The following PTPRE variants were observed in gnomAD, a reference collection of about 807,000 sequenced individuals.
The protein encoded by PTPRE is protein tyrosine phosphatase receptor type E.
In PTPRE, 51 loss-of-function variants were observed where a neutral mutation model predicts 102.0. The observed-to-expected ratio is 0.50, with a 90% CI of 0.40 to 0.63. The LOEUF (loss-of-function observed/expected upper bound fraction) is 0.63. PTPRE is among the 30% of genes least tolerant of loss of function. The probability of loss-of-function intolerance (pLI) is 0.00; values close to 1 mark genes in which losing one functional copy is unlikely to be tolerated. For missense variants in PTPRE, 752 were observed against 915.1 expected (o/e 0.82, Z 2.30); for synonymous variants, 345 against 348.2 (o/e 0.99, Z 0.10).
intron 3 of PTPRE, among the ~76,000 whole-genome samples, chr10:128,046,635 G>C (rs1306947041): frequency 6.6e-6 from 1 of 152,156 alleles, no homozygotes; most frequent in Non-Finnish European, 1.5e-5. Flanking sequence ...TGGCCAGCGG[G>C]GGAGGAGCAG....
rs1245440847 is a variant in PTPRE, at chr10:128,084,053, T to C, written c.*1147T>C. The C allele has an allele frequency of 6.6e-6, 1 of 151,670 alleles. No individual in the cohort carries two copies. The highest frequency in any genetic ancestry group is 1.9e-4 in the East Asian group (1 of 5,168). 9.4% of individuals were successfully genotyped at this position (151,670 alleles called of 1,614,324 possible). On this transcript the variant is annotated 3_prime_UTR_variant, in exon 21 of 21. Coordinates refer to ENST00000254667, the MANE Select transcript of PTPRE (RefSeq NM_006504.6). ...AAAGAGAAATCCTTAATCTAAAAGC[T>C]AAATTATTTTTGAATGGAAATACTA...
chr10:128,069,955 G>A (rs953381577), intron 13 of PTPRE, 128 bp downstream of exon 13: 25 of 1,407,442 alleles, frequency 1.8e-5, no homozygotes, highest in Admixed American at 5.6e-5. Flanking sequence ...GCCTGGCTTC[G>A]CTCCCCATAG....
At chr10:127,920,981 A>G (rs1306533150) in intron 1 of PTPRE, among the ~76,000 whole-genome samples, 1 of 152,200 alleles carries the variant, frequency 6.6e-6, no homozygotes, top group Non-Finnish European at 1.5e-5. Context: ...CCAGGCTTGG[A>G]TAACTGGCCC....
intron 1 of PTPRE, among the ~76,000 whole-genome samples, chr10:127,961,095 G>T (rs1197311966): frequency 6.6e-6 from 1 of 151,944 alleles, no homozygotes; most frequent in Non-Finnish European, 1.5e-5. Context: ...TTCAGACGAT[G>T]CCAAGGAACG....
At position 128,084,726 on chromosome 10, in the gene PTPRE, C is replaced by G. The variant is rs1851976189; in HGVS notation, c.*1820C>G. The G allele has an allele frequency of 6.5e-6, 1 of 153,788 alleles. No homozygotes were observed. The highest frequency in any genetic ancestry group is 6.5e-5 in the Admixed American group (1 of 15,398). The allele number at this position is 153,788 out of a possible 1,614,324, so 9.5% of individuals were successfully genotyped here. A position where few individuals can be genotyped will look rare whatever the true frequency, so the allele number is the denominator to read the frequency against. On this transcript the variant is annotated 3_prime_UTR_variant, in exon 21 of 21. Coordinates refer to ENST00000254667, the MANE Select transcript of PTPRE (RefSeq NM_006504.6). The stretch of plus-strand genomic sequence containing the variant: ...TTCCAAACCCAAAGCCTTTGTTTGA[C>G]TGAAGGAGAAGAGAGGGAAGTAAGC...
At chr10:127,965,293 A>G (rs1265186357) in intron 1 of PTPRE, among the ~76,000 whole-genome samples, 1 of 151,992 alleles carries the variant, frequency 6.6e-6, no homozygotes, top group African/African-American at 2.4e-5. Flanking sequence ...AGGAATTCCC[A>G]TGGTAACCAA....
At chr10:128,050,510 C>G (rs1473653739) in intron 6 of PTPRE, among the ~76,000 whole-genome samples, 1 of 152,136 alleles carries the variant, frequency 6.6e-6, no homozygotes, top group East Asian at 1.9e-4. Context: ...GAGAAGTAGA[C>G]AAACAGATAT....
chr10:127,910,253 A>T (rs540917097), intron 1 of PTPRE, among the ~76,000 whole-genome samples: 1 of 151,996 alleles, frequency 6.6e-6, no homozygotes, highest in Non-Finnish European at 1.5e-5. Flanking sequence ...AAAGCTCCCA[A>T]AGCTTTCCAG....
chr10:127,950,766 A>G (rs1348617891), intron 1 of PTPRE, among the ~76,000 whole-genome samples: 1 of 152,142 alleles, frequency 6.6e-6, no homozygotes, highest in South Asian at 2.1e-4. Context: ...TGACTCGTGT[A>G]GATCTATGGC....
intron 1 of PTPRE, among the ~76,000 whole-genome samples, chr10:127,915,406 G>A (rs545949647): frequency 7.9e-5 from 12 of 152,268 alleles, no homozygotes; most frequent in South Asian, 4.1e-4. Context: ...CAGTAACCTC[G>A]TCCTTAATTT....
intron 2 of PTPRE, among the ~76,000 whole-genome samples, chr10:127,988,636 T>C (rs574421045): frequency 6.6e-6 from 1 of 151,914 alleles, no homozygotes; most frequent in Non-Finnish European, 1.5e-5. Flanking sequence ...CTCATACACA[T>C]GAACATAAAG....
intron 1 of PTPRE, among the ~76,000 whole-genome samples, chr10:127,936,553 G>A (rs1418411031): frequency 6.6e-6 from 1 of 152,116 alleles, no homozygotes; most frequent in African/African-American, 2.4e-5. Context: ...CACTCCACAG[G>A]GGTCTTCAGA....
Position 127,926,692 on chromosome 10 carries a change from C to T in PTPRE, c.-31+19383C>T, listed in dbSNP as rs138489993. On this transcript the variant is annotated intron_variant, in intron 1 of 20. Coordinates refer to ENST00000254667, the MANE Select transcript of PTPRE (RefSeq NM_006504.6). The stretch of plus-strand genomic sequence containing the variant: ...GTCATGGTGGCCACAGGAAAGGAGA[C>T]GCCTAGCAGGGGAGGAACTAGACAG... Among the ~76,000 whole-genome samples, 185 of 151,602 alleles carry T rather than the reference C, an allele frequency of 1.2e-3. 1 individual carries two copies. Among genetic ancestry groups the T allele is most frequent in the African/African-American group, 4.3e-3 (176 of 41,316 alleles).
chr10:128,069,856 C>G, intron 13 of PTPRE, 29 bp downstream of exon 13: 1 of 1,614,124 alleles, frequency 6.2e-7, no homozygotes, highest in Non-Finnish European at 8.5e-7. Context: ...TTGCCCTGAT[C>G]TAGCTTCCCA....
At chr10:128,061,941 G>A (rs772978654) in intron 9 of PTPRE, among the ~76,000 whole-genome samples, 1 of 152,166 alleles carries the variant, frequency 6.6e-6, no homozygotes, top group Admixed American at 6.5e-5. Context: ...CAATGGCCCC[G>A]GCTGCCATTC....
At chr10:127,927,113 C>G (rs1847082851) in intron 1 of PTPRE, among the ~76,000 whole-genome samples, 1 of 152,086 alleles carries the variant, frequency 6.6e-6, no homozygotes, top group South Asian at 2.1e-4. Flanking sequence ...CCAGGTCTCT[C>G]TTAATCCAAG....
At chr10:128,060,738 A>G (rs1849515359) in intron 7 of PTPRE, among the ~76,000 whole-genome samples, 1 of 152,326 alleles carries the variant, frequency 6.6e-6, no homozygotes, top group South Asian at 2.1e-4. Context: ...AAGCAGGTGC[A>G]TTCTCTCTCA....
Position 128,085,566 on chromosome 10 carries a change from C to T in PTPRE, c.*2660C>T, listed in dbSNP as rs566809385. ...TTTTTAAACACTTTTTTAAATGAGC[C>T]TGACACCTGTGTTTCAGCATTTGGA... On this transcript the variant is annotated 3_prime_UTR_variant, in exon 21 of 21. Transcript: ENST00000254667. 12 of 152,998 alleles carry T rather than the reference C, an allele frequency of 7.8e-5. No homozygotes were observed. Among genetic ancestry groups the T allele is most frequent in the African/African-American group, 2.9e-4 (12 of 41,546 alleles). 9.5% of individuals were successfully genotyped at this position (152,998 alleles called of 1,614,324 possible).
chr10:128,006,954 C>G (rs919718736), intron 2 of PTPRE, among the ~76,000 whole-genome samples: 1 of 152,190 alleles, frequency 6.6e-6, no homozygotes, highest in Non-Finnish European at 1.5e-5. Context: ...TACAACTCCA[C>G]GGCTCCTAGT....
Sources: allele counts gnomAD v4.1 joint callset (sites outside exome capture counted in the v4.1 genomes callset), GRCh38; gene constraint gnomAD v4.1.1; transcripts MANE v1.5; gene names NCBI Gene and HGNC (gene_info 2026-07-23, HGNC 2026-07-21).